Variants in NCMAP observed in about 807,000 individuals in gnomAD.
NCMAP encodes the protein noncompact myelin-associated protein.
A neutral mutation model predicts 7.8 loss-of-function variants in NCMAP; 8 were observed. That is an observed-to-expected ratio of 1.02 (90% confidence interval 0.60 to 1.84). NCMAP has a LOEUF of 1.84. Ranked by LOEUF, NCMAP falls within the 40% of genes most tolerant of loss-of-function variation. The pLI, the probability that NCMAP is intolerant of heterozygous loss-of-function variation, is 0.00. For missense variants in NCMAP, 112 were observed against 131.4 expected, an observed-to-expected ratio of 0.85 and a Z score of 0.72; for synonymous variants, 41 against 52.9, an observed-to-expected ratio of 0.78 and a Z score of 0.98.
intron 3 of NCMAP, among the ~76,000 whole-genome samples, chr1:24,604,132 C>T (rs1428991933): frequency 6.6e-6 from 1 of 152,128 alleles, no homozygotes; most frequent in Non-Finnish European, 1.5e-5. Context: ...TAAACTCCTC[C>T]CATTAGGCCC....
intron 1 of NCMAP, among the ~76,000 whole-genome samples, chr1:24,586,799 G>T (rs1651895365): frequency 6.6e-6 from 1 of 151,236 alleles, no homozygotes; most frequent in African/African-American, 2.4e-5. Flanking sequence ...TGGTGATCTT[G>T]GGGCTTTGAT....
At chr1:24,596,315 G>A (rs970802488) in intron 2 of NCMAP, among the ~76,000 whole-genome samples, 4 of 151,976 alleles carry the variant, frequency 2.6e-5, no homozygotes, top group South Asian at 2.1e-4. Context: ...TATTGTTTTC[G>A]TTAAAAAGTC....
chr1:24,588,118 G>C (rs1651945617), intron 1 of NCMAP, among the ~76,000 whole-genome samples: 1 of 151,444 alleles, frequency 6.6e-6, no homozygotes, highest in Admixed American at 6.6e-5. Flanking sequence ...ATCTTGCTCT[G>C]TCACCCAGGC....
intron 1 of NCMAP, among the ~76,000 whole-genome samples, chr1:24,575,718 G>A (rs72654621): frequency 0.087 from 13,208 of 151,982 alleles, 650 homozygotes; most frequent in Middle Eastern, 0.15. Flanking sequence ...GGCCGAGGCG[G>A]CTGGATCACC....
At chr1:24,592,804 A>T (rs918558745) in intron 1 of NCMAP, among the ~76,000 whole-genome samples, 1 of 152,144 alleles carries the variant, frequency 6.6e-6, no homozygotes, top group Non-Finnish European at 1.5e-5. Flanking sequence ...CTGTAGTCCC[A>T]GCTACTCGTG....
chr1:24,605,460 A>G, intron 3 of NCMAP, 146 bp from the exon 4 acceptor site: 1 of 917,572 alleles, frequency 1.1e-6, no homozygotes, highest in East Asian at 2.8e-5. Flanking sequence ...TTCCAGTTGT[A>G]AAATTCTGTG....
chr1:24,569,092 C>A (rs4648866), intron 1 of NCMAP, among the ~76,000 whole-genome samples: 44,037 of 151,660 alleles, frequency 0.29, 6,999 homozygotes, highest in Admixed American at 0.44. Flanking sequence ...CCTCTGGGGT[C>A]AAGCAATTCT....
chr1:24,601,617 G>A (rs781298503), intron 3 of NCMAP, among the ~76,000 whole-genome samples: 39 of 152,132 alleles, frequency 2.6e-4, no homozygotes, highest in Non-Finnish European at 3.4e-4. Flanking sequence ...CTTTAAAAAG[G>A]TATCGTGGCC....
chr1:24,589,224 G>A (rs1307194193), intron 1 of NCMAP, among the ~76,000 whole-genome samples: 2 of 152,078 alleles, frequency 1.3e-5, no homozygotes, highest in Non-Finnish European at 1.5e-5. Flanking sequence ...CTCTGTCAGT[G>A]AAGACTGGCC....
chr1:24,604,606 ATATATATATATATATATATATAT>A (rs1339968639), intron 3 of NCMAP, among the ~76,000 whole-genome samples: 3 of 6,804 alleles, frequency 4.4e-4, no homozygotes, highest in East Asian at 5.7e-3. Context: ...AAAAAAAAAA[ATATATATATATATATATATATAT>A]ATATATATAT....
chr1:24,561,178 C>CAA (rs755072214), intron 1 of NCMAP, among the ~76,000 whole-genome samples: 9,893 of 103,824 alleles, frequency 0.095, 1,003 homozygotes, highest in African/African-American at 0.24. Context: ...ACTAAAAATA[C>CAA]AAAAAAAAAA....
At chr1:24,560,281 C>T (rs558603761) in intron 1 of NCMAP, among the ~76,000 whole-genome samples, 9 of 152,216 alleles carry the variant, frequency 5.9e-5, no homozygotes, top group Non-Finnish European at 7.4e-5. Flanking sequence ...ACAATTCACT[C>T]GTCATTGGTT....
At chr1:24,560,160 CAAAAAAAAAAAA>C (rs67052970) in intron 1 of NCMAP, among the ~76,000 whole-genome samples, 3 of 89,566 alleles carry the variant, frequency 3.3e-5, no homozygotes, top group African/African-American at 1.3e-4. Context: ...GACTCCATCT[CAAAAAAAAAAAA>C]AAAAAAAAAA....
In NCMAP at chr1:24,576,852, A is replaced by G. The variant is rs7542238; in HGVS notation, c.-7-18572A>G. Among the ~76,000 whole-genome samples the G allele has an allele frequency of 0.15, 22,812 of 152,030 alleles. 2,529 individuals are homozygous for G. The highest frequency in any genetic ancestry group is 0.32 in the African/African-American group (13,228 of 41,416). ...ACTCAAAGAAAGGATGTTACACAGG[A>G]CACAGTGGCTCACACCTGTAATCCC... On this transcript the variant is annotated intron_variant, in intron 1 of 3. Transcript: ENST00000374392. This position sits in a 1 kb window ranked among gnomAD's most constrained non-coding sequence, Gnocchi z 4.0.
At chr1:24,565,391 T>C (rs978960897) in intron 1 of NCMAP, among the ~76,000 whole-genome samples, 5 of 130,526 alleles carry the variant, frequency 3.8e-5, no homozygotes, top group Non-Finnish European at 7.8e-5. Context: ...TGGGTACCAA[T>C]GTCACTGCAA....
chr1:24,570,342 T>A (rs1426253516), intron 1 of NCMAP, among the ~76,000 whole-genome samples: 1 of 150,736 alleles, frequency 6.6e-6, no homozygotes, highest in Non-Finnish European at 1.5e-5. Flanking sequence ...AATTTTTTTA[T>A]AGATTAGTCG....
intron 1 of NCMAP, among the ~76,000 whole-genome samples, chr1:24,560,270 C>G (rs1343699541): frequency 6.6e-6 from 1 of 152,120 alleles, no homozygotes; most frequent in Non-Finnish European, 1.5e-5. Context: ...AAATTCGTCC[C>G]ACAATTCACT....
chr1:24,575,190 G>A (rs1458737024), intron 1 of NCMAP, among the ~76,000 whole-genome samples: 1 of 151,766 alleles, frequency 6.6e-6, no homozygotes, highest in Admixed American at 6.6e-5. Context: ...CAGCCTGGGC[G>A]ACAGAGTGAG....
At chr1:24,566,963 A>C (rs1045951083) in intron 1 of NCMAP, among the ~76,000 whole-genome samples, 3 of 152,106 alleles carry the variant, frequency 2.0e-5, no homozygotes, top group Admixed American at 1.3e-4. Context: ...GTTTTTTACT[A>C]GAAAAATATC....
Sources: gnomAD v4.1 joint callset for allele counts (sites outside exome capture counted in the v4.1 genomes callset) on GRCh38, gnomAD v4.1.1 for gene constraint, Gnocchi (gnomAD v3.1) non-coding constraint, MANE v1.5 for transcripts, NCBI Gene and HGNC (gene_info 2026-07-23, HGNC 2026-07-21) for gene names.